The following ZBBX variants were observed in gnomAD, a reference collection of about 807,000 sequenced individuals.
ZBBX encodes zinc finger B-box domain-containing protein 1.
In ZBBX, 101 loss-of-function variants were observed where a neutral mutation model predicts 108.5. The observed-to-expected ratio is 0.93, with a 90% CI of 0.79 to 1.10. The LOEUF (loss-of-function observed/expected upper bound fraction) is 1.10. Among genes scored for constraint, ZBBX ranks in the 50% least tolerant of loss-of-function variants. The pLI is 0.00. For missense variants in ZBBX, 1,009 were observed against 941.4 expected (o/e 1.07, Z -0.94); for synonymous variants, 356 against 323.4 (o/e 1.10, Z -1.08).
intron 18 of ZBBX, among the ~76,000 whole-genome samples, chr3:167,291,130 T>A (rs980076907): frequency 5.9e-5 from 9 of 152,014 alleles, no homozygotes; most frequent in African/African-American, 1.7e-4. Flanking sequence ...TGGGAAACAC[T>A]CTTCAGGATA....
intron 14 of ZBBX, 118 bp downstream of exon 14, chr3:167,316,887 C>T: frequency 7.6e-6 from 4 of 528,320 alleles, no homozygotes; most frequent in Middle Eastern, 2.9e-4. Context: ...TGTAAATTTC[C>T]TATTAAACTA....
At position 167,260,996 on chromosome 3, in the gene ZBBX, T is replaced by A. The variant is rs139929676; in HGVS notation, c.2255-18353A>T. The stretch of plus-strand genomic sequence containing the variant: ...AAGGTCTAGGGCTAAAGCCTGTTGT[T>A]CAGATTCTTTTGTCCCACAGGGTGT... On this transcript the variant is annotated intron_variant, in intron 20 of 21. Coordinates refer to ENST00000675490, the MANE Select transcript of ZBBX (RefSeq NM_001199201.2). Among the ~76,000 whole-genome samples, 1,061 of 152,290 alleles carry A rather than the reference T, an allele frequency of 7.0e-3. 14 individuals are homozygous for A. The highest frequency in any genetic ancestry group is 0.024 in the African/African-American group (1,014 of 41,570).
At position 167,317,565 on chromosome 3, in the gene ZBBX, G is replaced by A. The variant is rs572404264; in HGVS notation, c.1016C>T (p.Pro339Leu). The change falls in exon 13 of 22, where the codon CCA (proline) becomes CTA (leucine). Residue 339 changes from proline to leucine, a missense_variant. Transcript: ENST00000675490. ...TPQEQLFKML[P>L]DTFPHPHETT... Reference sequence around the variant, plus strand: ...TTCATGTGGATGTGGGAACGTATCTGGTAGCATTTTAAAAAGTTGCTCTTG... The same window carrying A: ...TTCATGTGGATGTGGGAACGTATCTAGTAGCATTTTAAAAAGTTGCTCTTG... The A allele has an allele frequency of 7.5e-6, 12 of 1,610,030 alleles. No homozygotes were observed. In the South Asian group the frequency reaches 1.3e-4, roughly 18 times the overall value.
At chr3:167,377,274 T>C (rs1747110793) in intron 2 of ZBBX, among the ~76,000 whole-genome samples, 1 of 152,168 alleles carries the variant, frequency 6.6e-6, no homozygotes, top group Admixed American at 6.5e-5. Flanking sequence ...CAATGCTCTA[T>C]ACAGGTAGAA....
chr3:167,189,387 G>C, the ZBBX span, among the ~76,000 whole-genome samples: 70 of 152,154 alleles, frequency 4.6e-4, no homozygotes, highest in African/African-American at 1.6e-3. Flanking sequence ...AAGTTGTGAC[G>C]GATGTCTGCA....
chr3:167,242,432 A>T, intron 21 of ZBBX, 73 bp downstream of exon 21: 2 of 1,268,618 alleles, frequency 1.6e-6, no homozygotes, highest in Non-Finnish European at 1.1e-6. Flanking sequence ...ATATATAATA[A>T]AGATAACTAG....
chr3:167,384,132 G>A (rs1453478659), upstream of ZBBX, among the ~76,000 whole-genome samples: 1 of 152,028 alleles, frequency 6.6e-6, no homozygotes, highest in Non-Finnish European at 1.5e-5. Flanking sequence ...CTCAGTATGT[G>A]TATAGCCGCA....
intron 8 of ZBBX, among the ~76,000 whole-genome samples, chr3:167,354,943 T>A (rs1421753766): frequency 1.3e-5 from 2 of 152,092 alleles, no homozygotes; most frequent in East Asian, 3.9e-4. Context: ...AAAATTGAGT[T>A]AAAATGACCT....
At chr3:167,360,218 T>C (rs1744288900) in intron 7 of ZBBX, among the ~76,000 whole-genome samples, 1 of 149,474 alleles carries the variant, frequency 6.7e-6, no homozygotes, top group African/African-American at 2.4e-5. Context: ...CATTTGTGTT[T>C]ACTATCCTCC....
chr3:167,363,675 T>G (rs1744894055), intron 6 of ZBBX, among the ~76,000 whole-genome samples: 1 of 152,098 alleles, frequency 6.6e-6, no homozygotes, highest in Non-Finnish European at 1.5e-5. Context: ...CACATCATCT[T>G]GACAATTCTA....
chr3:167,216,334 C>A, the ZBBX span, among the ~76,000 whole-genome samples: 1 of 151,960 alleles, frequency 6.6e-6, no homozygotes, highest in African/African-American at 2.4e-5. Context: ...ACACCACCGA[C>A]AACCAAACTG....
intron 18 of ZBBX, among the ~76,000 whole-genome samples, chr3:167,293,055 T>A (rs1730984930): frequency 6.6e-6 from 1 of 152,156 alleles, no homozygotes; most frequent in Admixed American, 6.5e-5. Context: ...GAGGCAGCAA[T>A]TAATAGCCTA....
At chr3:167,330,863 AG>A (rs1560136032) in intron 10 of ZBBX, among the ~76,000 whole-genome samples, 25 of 81,654 alleles carry the variant, frequency 3.1e-4, no homozygotes, top group African/African-American at 1.4e-3. Context: ...GAGGAGGAGG[AG>A]GAGGAGGAGA....
chr3:167,264,823 T>C (rs936140616), intron 20 of ZBBX, among the ~76,000 whole-genome samples: 4 of 152,188 alleles, frequency 2.6e-5, no homozygotes, highest in African/African-American at 9.6e-5. Context: ...CTCTTCCCTT[T>C]CTATAGGCAG....
chr3:167,249,606 T>G (rs532011022), intron 20 of ZBBX, among the ~76,000 whole-genome samples: 1 of 152,300 alleles, frequency 6.6e-6, no homozygotes, highest in African/African-American at 2.4e-5. Flanking sequence ...CGTATAGGAC[T>G]TAAAGCAAAT....
Position 167,282,380 on chromosome 3 carries a change from T to A in ZBBX, c.2112A>T (p.Ser704=), listed in dbSNP as rs1227949091. Residue 704 remains serine (S), a synonymous_variant, in exon 20 of 22, where the codon TCA becomes TCT. Transcript: ENST00000675490. ...AAATTTCAGAAGCAGCTCTAGATGA[T>A]GATTGAGCAGCTGCACTTCTTGATC... ...HPRSRSAAAQ[S]SSRAASEISE... 1 of 1,614,134 alleles carries A rather than the reference T, an allele frequency of 6.2e-7. No homozygotes were observed. Among genetic ancestry groups the A allele is most frequent in the Non-Finnish European group, 8.5e-7 (1 of 1,179,998 alleles).
At chr3:167,324,495 A>G (rs1051547888) in intron 11 of ZBBX, among the ~76,000 whole-genome samples, 4 of 152,084 alleles carry the variant, frequency 2.6e-5, no homozygotes, top group Non-Finnish European at 4.4e-5. Context: ...TGAATCCCCA[A>G]TATGGTGGCT....
At chr3:167,314,507 T>C (rs961143614) in intron 15 of ZBBX, among the ~76,000 whole-genome samples, 4 of 152,206 alleles carry the variant, frequency 2.6e-5, no homozygotes, top group African/African-American at 7.2e-5. Flanking sequence ...CAACAAGATA[T>C]GAGTTTAAAA....
At chr3:167,278,663 C>A (rs2108509089) in intron 20 of ZBBX, among the ~76,000 whole-genome samples, 1 of 151,618 alleles carries the variant, frequency 6.6e-6, no homozygotes, top group African/African-American at 2.4e-5. Context: ...CCGAATTCTA[C>A]CAGAGGTACA....
Sources: gnomAD v4.1 joint callset for allele counts (sites outside exome capture counted in the v4.1 genomes callset) on GRCh38, gnomAD v4.1.1 for gene constraint, MANE v1.5 for transcripts, NCBI Gene and HGNC (gene_info 2026-07-23, HGNC 2026-07-21) for gene names.